The following STXBP6 variants were observed in gnomAD, a reference collection of about 807,000 sequenced individuals.
STXBP6 encodes the protein syntaxin-binding protein 6.
Under a neutral mutation model 26.9 loss-of-function variants are expected in STXBP6, and 21 were observed. The ratio of observed to expected loss-of-function variants is 0.78; its 90% CI spans 0.55 to 1.12. The LOEUF is 1.12. STXBP6 is among the 50% of genes most tolerant of loss of function. STXBP6 has a pLI of 0.00. For synonymous variants in STXBP6, 97 were observed against 92.6 expected, an observed-to-expected ratio of 1.05 and a Z score of -0.27; for missense variants, 232 against 257.9, an observed-to-expected ratio of 0.90 and a Z score of 0.69.
At chr14:24,985,399 G>T (rs1266010222) in intron 1 of STXBP6, among the ~76,000 whole-genome samples, 1 of 152,144 alleles carries the variant, frequency 6.6e-6, no homozygotes, top group Non-Finnish European at 1.5e-5. Flanking sequence ...AGCCTTGCAG[G>T]CTACTTTCCA....
intron 4 of STXBP6, among the ~76,000 whole-genome samples, chr14:24,834,156 G>A (rs751129358): frequency 2.0e-5 from 3 of 152,018 alleles, no homozygotes; most frequent in Admixed American, 6.6e-5. Context: ...CACCATAACC[G>A]GCTAATTTTT....
At chr14:25,009,121 A>T (rs74528025) in intron 1 of STXBP6, among the ~76,000 whole-genome samples, 5,116 of 152,248 alleles carry the variant, frequency 0.034, 271 homozygotes, top group African/African-American at 0.12. Context: ...CTTCTAGTTA[A>T]TTTGTTTTGT....
chr14:24,968,386 C>G (rs1416551100), intron 2 of STXBP6, among the ~76,000 whole-genome samples: 3 of 151,862 alleles, frequency 2.0e-5, no homozygotes, highest in Non-Finnish European at 2.9e-5. Flanking sequence ...TATTTATAGA[C>G]TTTGAGATGA....
chr14:24,820,538 G>C (rs1440125526), intron 4 of STXBP6, among the ~76,000 whole-genome samples: 2 of 152,164 alleles, frequency 1.3e-5, no homozygotes, highest in Non-Finnish European at 2.9e-5. Context: ...AGGGAGCAGA[G>C]GAAATGCAGT....
intron 2 of STXBP6, among the ~76,000 whole-genome samples, chr14:24,862,503 T>G (rs1210042773): frequency 5.9e-5 from 9 of 152,138 alleles, no homozygotes. Context: ...GAAGCAGATT[T>G]CCTCAGTCTA....
intron 1 of STXBP6, among the ~76,000 whole-genome samples, chr14:25,041,613 A>G (rs541232238): frequency 9.3e-5 from 13 of 139,118 alleles, no homozygotes; most frequent in African/African-American, 3.8e-4. Context: ...TATACGCCCT[A>G]TCTGACCAAG....
intron 2 of STXBP6, among the ~76,000 whole-genome samples, chr14:24,949,916 A>T (rs1370006895): frequency 6.6e-6 from 1 of 152,038 alleles, no homozygotes; most frequent in African/African-American, 2.4e-5. Context: ...GCTGTTCTGC[A>T]CCTCACTTCT....
chr14:24,939,519 G>A (rs1330503359), intron 2 of STXBP6, among the ~76,000 whole-genome samples: 1 of 151,036 alleles, frequency 6.6e-6, no homozygotes, highest in East Asian at 1.9e-4. Flanking sequence ...TGAAAACTGA[G>A]AACTTTCTGC....
At chr14:24,968,114 A>T (rs2073791259) in intron 2 of STXBP6, among the ~76,000 whole-genome samples, 1 of 150,682 alleles carries the variant, frequency 6.6e-6, no homozygotes, top group East Asian at 1.9e-4. Flanking sequence ...TTTAACTTTT[A>T]TATAATTTTT....
At chr14:24,838,341 A>G (rs1184767461) in intron 4 of STXBP6, among the ~76,000 whole-genome samples, 3 of 152,080 alleles carry the variant, frequency 2.0e-5, no homozygotes, top group African/African-American at 7.2e-5. Flanking sequence ...AAGCATCAAC[A>G]TATCTGCTGT....
chr14:24,847,730 A>G (rs1200657508), intron 4 of STXBP6, among the ~76,000 whole-genome samples: 1 of 152,174 alleles, frequency 6.6e-6, no homozygotes, highest in Admixed American at 6.5e-5. Context: ...TGGAAAAGGA[A>G]TATTTCCATT....
intron 2 of STXBP6, among the ~76,000 whole-genome samples, chr14:24,911,298 C>T (rs540857283): frequency 2.6e-5 from 4 of 151,340 alleles, no homozygotes; most frequent in Non-Finnish European, 5.9e-5. Flanking sequence ...GTTTGTGCTA[C>T]TGCACTCCAG....
chr14:24,909,958 G>A (rs780597383), intron 2 of STXBP6, among the ~76,000 whole-genome samples: 20 of 151,808 alleles, frequency 1.3e-4, no homozygotes, highest in African/African-American at 4.1e-4. Context: ...AATTTGGGCC[G>A]TAGTTTCCTC....
intron 2 of STXBP6, among the ~76,000 whole-genome samples, chr14:24,921,889 T>C (rs1016144799): frequency 2.0e-5 from 3 of 152,080 alleles, no homozygotes; most frequent in African/African-American, 7.2e-5. Flanking sequence ...ACATCCCACC[T>C]TTCTATTGTT....
chr14:24,924,902 C>T (rs1391688440), intron 2 of STXBP6, among the ~76,000 whole-genome samples: 1 of 152,204 alleles, frequency 6.6e-6, no homozygotes, highest in African/African-American at 2.4e-5. Context: ...ACCTGCGGAA[C>T]TCCTTTGTCT....
At chr14:24,963,176 G>A (rs969416744) in intron 2 of STXBP6, among the ~76,000 whole-genome samples, 4 of 151,860 alleles carry the variant, frequency 2.6e-5, no homozygotes, top group Non-Finnish European at 1.5e-5. Context: ...CAAAAATCAC[G>A]GATCCAAGAA....
rs143326073 is a variant in STXBP6 at position 24,961,281 on chromosome 14, G to A, written c.154+13384C>T. Among the ~76,000 whole-genome samples, 236 of 152,194 alleles carry A rather than the reference G, an allele frequency of 1.6e-3. 2 individuals are homozygous for A. The highest frequency in any genetic ancestry group is 5.5e-3 in the African/African-American group (230 of 41,544). On this transcript the variant is annotated intron_variant, in intron 2 of 5. Coordinates refer to ENST00000323944, the MANE Select transcript of STXBP6 (RefSeq NM_001394410.1). ...GTCTAGTTGAGGCTGGAAGGTGGGA[G>A]AAGGGAGAGGAACAGAAAAAATAAC... is the stretch of plus-strand genomic sequence containing the variant.
At chr14:25,028,554 C>T (rs1287825269) in intron 1 of STXBP6, among the ~76,000 whole-genome samples, 1 of 151,650 alleles carries the variant, frequency 6.6e-6, no homozygotes, top group African/African-American at 2.4e-5. Context: ...TGACAATGTA[C>T]CTGGTCATCC....
chr14:24,814,128 C>A (rs554810374), intron 5 of STXBP6, among the ~76,000 whole-genome samples: 100 of 152,284 alleles, frequency 6.6e-4, no homozygotes, highest in African/African-American at 2.4e-3. Flanking sequence ...TCCGAATGTG[C>A]CCAGGCTGTC....
Sources: allele counts gnomAD v4.1 joint callset (sites outside exome capture counted in the v4.1 genomes callset), GRCh38; gene constraint gnomAD v4.1.1; transcripts MANE v1.5; gene names NCBI Gene and HGNC (gene_info 2026-07-23, HGNC 2026-07-21).